The following SHD variants were observed in gnomAD, a reference collection of about 807,000 sequenced individuals.
SHD encodes Src homology 2 domain containing transforming protein D, also known as SH2 domain-containing adapter protein D.
Under a neutral mutation model 31.2 loss-of-function variants are expected in SHD, and 29 were observed. That is an observed-to-expected ratio of 0.93 (90% CI 0.69 to 1.27). SHD has a LOEUF of 1.27. SHD is among the 50% of genes most tolerant of loss of function. The pLI, the probability that SHD is intolerant of heterozygous loss-of-function variation, is 0.00. For missense variants in SHD, 520 were observed against 453.8 expected (o/e 1.15, Z -1.33); for synonymous variants, 208 against 187.8 (o/e 1.11, Z -0.88).
chr19:4,290,468 T>A lies in SHD; in HGVS notation c.858T>A (p.His286Gln). 3 of 1,612,732 alleles carry A rather than the reference T, an allele frequency of 1.9e-6. No homozygotes were observed. Among genetic ancestry groups the A allele is most frequent in the Non-Finnish European group, 2.5e-6 (3 of 1,179,572 alleles). The change falls in exon 6 of 6, where the codon CAT becomes CAA. Residue 286 changes from histidine to glutamine, a missense_variant. Coordinates refer to ENST00000543264, the MANE Select transcript of SHD (RefSeq NM_020209.4). ...CCAGGAGCAGCCAGGGCTTCCTGCA[T>A]CTGAAGTTCGCGCGGACCCGTGAGA... ...LSLRSSQGFL[H>Q]LKFARTRENQ...
intron 4 of SHD, 71 bp downstream of exon 4, chr19:4,284,975 G>T (rs1426611062): frequency 7.2e-7 from 1 of 1,384,284 alleles, no homozygotes; most frequent in Non-Finnish European, 9.4e-7. Context: ...TCAGGCAGAA[G>T]TTTTTTCGTT....
Position 4,279,266 on chromosome 19 carries a change from G to A in SHD, c.-798G>A, listed in dbSNP as rs1037105024. On this transcript the variant is annotated 5_prime_UTR_variant, in exon 1 of 6. Transcript: ENST00000543264. The surrounding 1 kb of genome is among the most constrained non-coding windows in gnomAD (Gnocchi z 7.5). ...GGAGGGGAGGTGGGGGAGCCTTGACGCTGCTGCCCGGGACGCGGCCCGGGG... is the reference window on the plus strand; with the variant it reads ...GGAGGGGAGGTGGGGGAGCCTTGACACTGCTGCCCGGGACGCGGCCCGGGG... 6.6e-6 allele frequency: 1 copy of A among 151,920 alleles called. No individual in the cohort carries two copies. Among genetic ancestry groups the A allele is most frequent in the African/African-American group, 2.4e-5 (1 of 41,428 alleles). 9.4% of individuals were successfully genotyped at this position (151,920 alleles called of 1,614,324 possible). A position where few individuals can be genotyped will look rare whatever the true frequency, so the allele number is the denominator to read the frequency against.
intron 4 of SHD, 59 bp downstream of exon 4, chr19:4,284,963 T>G (rs1291515914): frequency 1.4e-6 from 2 of 1,416,640 alleles, no homozygotes; most frequent in African/African-American, 2.9e-5. Flanking sequence ...GACTCCAATG[T>G]ATCAGGCAGA....
rs1463896282 is a variant in SHD at position 4,290,452 on chromosome 19, GCC to G, written c.843_844del (p.Ser281ArgfsTer13). 1.2e-6 allele frequency: 2 copies of G among 1,610,856 alleles called. No homozygotes were observed. Among genetic ancestry groups the G allele is most frequent in the East Asian group, 4.5e-5 (2 of 44,830 alleles). ...CTTTCTCCCTCATCGCCCAGGAGCA[GCC>G]AGGGCTTCCTGCATCTGAAGTTCGC... On this transcript the variant is annotated frameshift_variant, in exon 6 of 6. Transcript: ENST00000543264. LOFTEE classifies it low-confidence loss of function (END_TRUNC).
At position 4,290,463 on chromosome 19, in the gene SHD, C is replaced by T. The variant is rs759837500; in HGVS notation, c.853C>T (p.Leu285=). ...ATCGCCCAGGAGCAGCCAGGGCTTCCTGCATCTGAAGTTCGCGCGGACCCG... is the reference window on the plus strand; with the variant it reads ...ATCGCCCAGGAGCAGCCAGGGCTTCTTGCATCTGAAGTTCGCGCGGACCCG... ...SLSLRSSQGF[L]HLKFARTREN... The change falls in exon 6 of 6, where the codon CTG becomes TTG. Residue 285 remains leucine (L), a synonymous_variant. Coordinates refer to ENST00000543264, the MANE Select transcript of SHD (RefSeq NM_020209.4). 1 of 1,612,298 alleles carries T rather than the reference C, an allele frequency of 6.2e-7. No homozygotes were observed. The highest frequency in any genetic ancestry group is 8.5e-7 in the Non-Finnish European group (1 of 1,179,352).
intron 1 of SHD, 28 bp from the exon 2 acceptor site, chr19:4,282,842 T>C: frequency 6.2e-7 from 1 of 1,609,238 alleles, no homozygotes; most frequent in Non-Finnish European, 8.5e-7. Context: ...TCTGAGTCCT[T>C]GTCTTCTCCC....
Position 4,280,294 on chromosome 19 carries a change from G to T in SHD, c.231G>T (p.Arg77=). ...CCAAGTATGGTTCTCCCAAGCACCGGCTCATCAAGGTGGAGGCTGCGGATA... is the reference window on the plus strand; with the variant it reads ...CCAAGTATGGTTCTCCCAAGCACCGTCTCATCAAGGTGGAGGCTGCGGATA... The part of the protein sequence containing the change: ...GDAKYGSPKH[R]LIKVEAADMA... Residue 77 remains arginine, a synonymous_variant, in exon 1 of 6, where the codon CGG becomes CGT. Coordinates refer to ENST00000543264, the MANE Select transcript of SHD (RefSeq NM_020209.4). 6.2e-7 allele frequency: 1 copy of T among 1,610,548 alleles called. No individual in the cohort carries two copies. The highest frequency in any genetic ancestry group is 8.5e-7 in the Non-Finnish European group (1 of 1,178,598).
At position 4,285,462 on chromosome 19, in the gene SHD, C is replaced by T. The variant is rs1026730066; in HGVS notation, c.716+558C>T. Among the ~76,000 whole-genome samples, 4 of 152,240 alleles carry T rather than the reference C, an allele frequency of 2.6e-5. No homozygotes were observed. The South Asian group carries it at 8.3e-4, about 32-fold the overall frequency. ...AGAATCCAGACCATGTTGTCACAGT[C>T]ACCCCTAAAATCTCTTCGGTGGGCA... On this transcript the variant is annotated intron_variant, in intron 4 of 5. Transcript: ENST00000543264.
At chr19:4,287,251 G>T (rs143433079) in intron 4 of SHD, among the ~76,000 whole-genome samples, 3,951 of 151,822 alleles carry the variant, frequency 0.026, 172 homozygotes, top group African/African-American at 0.089. Context: ...AGAATGGCGT[G>T]AACCGGGGAG....
Position 4,279,722 on chromosome 19 carries a change from G to A in SHD, c.-342G>A, listed in dbSNP as rs1016174422. Reference sequence around the variant, plus strand: ...GTCGCTCCAGGGAACCGCGCTGCCCGCGGAAACTCCGCGCGCCTCCGCGGA... The same window carrying A: ...GTCGCTCCAGGGAACCGCGCTGCCCACGGAAACTCCGCGCGCCTCCGCGGA... On this transcript the variant is annotated 5_prime_UTR_variant, in exon 1 of 6. Transcript: ENST00000543264. The surrounding 1 kb of genome is among the most constrained non-coding windows in gnomAD (Gnocchi z 7.5). 2 of 235,416 alleles carry A rather than the reference G, an allele frequency of 8.5e-6. No homozygotes were observed. The highest frequency in any genetic ancestry group is 1.1e-4 in the Admixed American group (2 of 18,344). The allele number at this position is 235,416 out of a possible 1,614,324, so 14.6% of individuals were successfully genotyped here. A position where few individuals can be genotyped will look rare whatever the true frequency, so the allele number is the denominator to read the frequency against.
intron 5 of SHD, 93 bp downstream of exon 5, chr19:4,288,455 C>T (rs1043502803): frequency 4.2e-6 from 6 of 1,416,232 alleles, no homozygotes; most frequent in South Asian, 1.4e-5. Context: ...GTGTGGCTCC[C>T]GCAGCCATAG....
In SHD at chr19:4,290,584, G is replaced by C; in HGVS notation, c.974G>C (p.Gly325Ala). 2 of 1,613,522 alleles carry C rather than the reference G, an allele frequency of 1.2e-6. No individual in the cohort carries two copies. Among genetic ancestry groups the C allele is most frequent in the Non-Finnish European group, 1.7e-6 (2 of 1,179,888 alleles). The stretch of plus-strand genomic sequence containing the variant: ...AGTTCACGCCCACTGCCGGTGCAGG[G>C]TGCCGAGCATCTGGCTCTGCTGTAC... Reference protein sequence around the residue: ...HYSSRPLPVQGAEHLALLYPV... With the variant: ...HYSSRPLPVQAAEHLALLYPV... The change falls in exon 6 of 6, where the codon GGT becomes GCT. Residue 325 changes from glycine to alanine, a missense_variant. Coordinates refer to ENST00000543264, the MANE Select transcript of SHD (RefSeq NM_020209.4).
Position 4,282,991 on chromosome 19 carries a change from T to A in SHD, c.403+16T>A, listed in dbSNP as rs371684811. 200 of 1,614,020 alleles carry A rather than the reference T, an allele frequency of 1.2e-4. No homozygotes were observed. In the Middle Eastern group the frequency reaches 1.3e-3, roughly 11 times the overall value. ...GTCATGAGTGGTGAGTAGGCACGGC[T>A]TGGGGGAAGGTGACAGGGTCCCAGA... On this transcript the variant is annotated intron_variant, in intron 2 of 5. Transcript: ENST00000543264.
chr19:4,279,752 C>T lies in SHD; in HGVS notation c.-312C>T, dbSNP rs1971235659. On this transcript the variant is annotated 5_prime_UTR_variant, in exon 1 of 6. Coordinates refer to ENST00000543264, the MANE Select transcript of SHD (RefSeq NM_020209.4). This position sits in a 1 kb window ranked among gnomAD's most constrained non-coding sequence, Gnocchi z 7.5. ...AACTCCGCGCGCCTCCGCGGATGCC[C>T]CTCGCCCTAGCCCCCAGCGCGCGGG... 3.0e-6 allele frequency: 1 copy of T among 328,554 alleles called. No individual in the cohort carries two copies. The highest frequency in any genetic ancestry group is 2.2e-5 in the African/African-American group (1 of 46,506). The allele number at this position is 328,554 out of a possible 1,614,324, so 20.4% of individuals were successfully genotyped here. A position where few individuals can be genotyped will look rare whatever the true frequency, so the allele number is the denominator to read the frequency against.
At chr19:4,289,727 C>T (rs1432861976) in intron 5 of SHD, among the ~76,000 whole-genome samples, 23 of 151,274 alleles carry the variant, frequency 1.5e-4, no homozygotes, top group African/African-American at 5.1e-4. Flanking sequence ...CCCACCACCA[C>T]ACCCAGCTAA....
At chr19:4,290,296 G>A in intron 5 of SHD, 151 bp from the exon 6 acceptor site, 1 of 770,042 alleles carries the variant, frequency 1.3e-6, no homozygotes, top group Non-Finnish European at 2.1e-6. Context: ...TTACAGGTGT[G>A]AGCGAGTATA....
At chr19:4,283,520 A>C (rs900396962) in intron 3 of SHD, among the ~76,000 whole-genome samples, 35 of 151,868 alleles carry the variant, frequency 2.3e-4, no homozygotes, top group African/African-American at 8.2e-4. Context: ...TTGCTTTTAG[A>C]ATAGGATGTG....
At chr19:4,285,291 G>A (rs373145749) in intron 4 of SHD, among the ~76,000 whole-genome samples, 53 of 152,270 alleles carry the variant, frequency 3.5e-4, no homozygotes, top group African/African-American at 1.2e-3. Context: ...ATCATTCTCA[G>A]CCAGTTCTTG....
chr19:4,285,959 T>G (rs1450388480), intron 4 of SHD, among the ~76,000 whole-genome samples: 1 of 131,776 alleles, frequency 7.6e-6, no homozygotes, highest in Non-Finnish European at 1.6e-5. Flanking sequence ...TGACACAATC[T>G]CAGCTCACTG....
Sources: gnomAD v4.1 joint callset for allele counts (sites outside exome capture counted in the v4.1 genomes callset) on GRCh38, gnomAD v4.1.1 for gene constraint, Gnocchi (gnomAD v3.1) non-coding constraint, MANE v1.5 for transcripts, NCBI Gene and HGNC (gene_info 2026-07-23, HGNC 2026-07-21) for gene names.